The following DPP6 variants were observed in gnomAD, a reference collection of about 807,000 sequenced individuals.
The protein encoded by DPP6 is A-type potassium channel modulatory protein DPP6.
Under a neutral mutation model 122.6 loss-of-function variants are expected in DPP6, and 69 were observed. The ratio of observed to expected loss-of-function variants is 0.56; its 90% CI spans 0.46 to 0.69. The LOEUF (loss-of-function observed/expected upper bound fraction) is 0.69. Ranked by LOEUF, DPP6 falls within the 30% of genes least tolerant of loss-of-function variation. The pLI is 0.00. For missense variants in DPP6, 928 were observed against 1,116.9 expected (o/e 0.83, Z 2.41); for synonymous variants, 418 against 433.1 (o/e 0.97, Z 0.43).
chr7:154,270,356 GA>G (rs920340605), intron 1 of DPP6, among the ~76,000 whole-genome samples: 2 of 152,060 alleles, frequency 1.3e-5, no homozygotes, highest in African/African-American at 2.4e-5. Context: ...TGATAATATA[GA>G]AAAAACCATT....
the DPP6 span, among the ~76,000 whole-genome samples, chr7:153,793,956 T>C: frequency 1.3e-5 from 2 of 152,234 alleles, no homozygotes; most frequent in Admixed American, 6.5e-5. Flanking sequence ...AGTCAAGAAC[T>C]TGGGTTTGGG....
intron 1 of DPP6, among the ~76,000 whole-genome samples, chr7:153,941,031 C>A (rs189139208): frequency 5.1e-4 from 78 of 151,844 alleles, no homozygotes; most frequent in Non-Finnish European, 9.7e-4. Context: ...AAACTAACCG[C>A]GGACAGAATC....
In DPP6 at chr7:154,893,074, A is replaced by G. The variant is rs887636197; in HGVS notation, c.*594A>G. ...CTACGCTAATGGTTAACCTGATAGAATTAACTCGTATTTTTCTATGGTTTT... is the reference window on the plus strand; with the variant it reads ...CTACGCTAATGGTTAACCTGATAGAGTTAACTCGTATTTTTCTATGGTTTT... On this transcript the variant is annotated 3_prime_UTR_variant, in exon 26 of 26. Coordinates refer to ENST00000377770, the MANE Select transcript of DPP6 (RefSeq NM_130797.4). 3.8e-5 allele frequency: 16 copies of G among 417,772 alleles called. No individual in the cohort carries two copies. The highest frequency in any genetic ancestry group is 6.7e-5 in the Non-Finnish European group (14 of 209,810). The allele number at this position is 417,772 out of a possible 1,614,324, so 25.9% of individuals were successfully genotyped here.
chr7:154,782,174 A>T (rs1266447066), intron 10 of DPP6, among the ~76,000 whole-genome samples: 1 of 152,168 alleles, frequency 6.6e-6, no homozygotes, highest in African/African-American at 2.4e-5. Flanking sequence ...CCAAGCCCTG[A>T]CTAGATGCGC....
intron 1 of DPP6, among the ~76,000 whole-genome samples, chr7:154,428,020 T>G (rs919541438): frequency 6.6e-6 from 1 of 152,206 alleles, no homozygotes; most frequent in Non-Finnish European, 1.5e-5. Context: ...ATTAATACAC[T>G]GGCTGAGTAA....
intron 1 of DPP6, among the ~76,000 whole-genome samples, chr7:154,176,288 C>A (rs546242561): frequency 3.0e-4 from 46 of 152,244 alleles, no homozygotes; most frequent in African/African-American, 1.0e-3. Context: ...GAATCAGTAT[C>A]TTTGTGGATA....
intron 1 of DPP6, among the ~76,000 whole-genome samples, chr7:154,003,718 A>C (rs2628989): frequency 0.92 from 139,895 of 151,658 alleles, 64,555 homozygotes; most frequent in African/African-American, 0.96. Flanking sequence ...TCTGCCTGGG[A>C]AGTGGCCTTG....
chr7:154,589,469 C>G (rs1200981748), intron 5 of DPP6, among the ~76,000 whole-genome samples: 2 of 152,320 alleles, frequency 1.3e-5, no homozygotes, highest in Non-Finnish European at 2.9e-5. Flanking sequence ...TTTAAAACTT[C>G]CCATCTGCTG....
Position 154,127,620 on chromosome 7 carries a change from C to CACACACACACACACACACAG in DPP6, c.243+74570_243+74571insCACACAGACACACACACACA, listed in dbSNP as rs1563225612. 2.0e-3 allele frequency among the ~76,000 whole-genome samples: 240 copies of CACACACACACACACACACAG among 119,366 alleles called. 1 individual carries two copies. Among genetic ancestry groups the CACACACACACACACACACAG allele is most frequent in the African/African-American group, 9.2e-3 (225 of 24,570 alleles). 78.3% of individuals were successfully genotyped at this position (119,366 alleles called of 152,430 possible). A position where few individuals can be genotyped will look rare whatever the true frequency, so the allele number is the denominator to read the frequency against. On this transcript the variant is annotated intron_variant, in intron 1 of 25. Transcript: ENST00000377770. ...TCTCACACACACACACACACACACACACACACACACACAGACACACACACA... is the reference window on the plus strand; with the variant it reads ...TCTCACACACACACACACACACACACACACACACACACACACACAGACACACACACACAGACACACACACA...
At chr7:154,124,789 C>T (rs1352357918) in intron 1 of DPP6, among the ~76,000 whole-genome samples, 1 of 152,146 alleles carries the variant, frequency 6.6e-6, no homozygotes, top group Non-Finnish European at 1.5e-5. Context: ...GCCGGTGAAA[C>T]TGGGAGATCC....
chr7:154,162,951 A>C (rs898297403), intron 1 of DPP6, among the ~76,000 whole-genome samples: 5 of 151,526 alleles, frequency 3.3e-5, no homozygotes, highest in Admixed American at 6.6e-5. Flanking sequence ...GCTAGCATTG[A>C]GTGGAACTTA....
intron 1 of DPP6, among the ~76,000 whole-genome samples, chr7:154,181,174 A>G (rs1204119040): frequency 1.3e-5 from 2 of 152,200 alleles, no homozygotes; most frequent in African/African-American, 2.4e-5. Flanking sequence ...TCAATGCCCA[A>G]ACACAAGAGC....
At chr7:154,730,706 A>G (rs1842296708) in intron 8 of DPP6, among the ~76,000 whole-genome samples, 2 of 152,220 alleles carry the variant, frequency 1.3e-5, no homozygotes, top group African/African-American at 4.8e-5. Context: ...CAGTGCAAAT[A>G]ATAATGAACC....
chr7:154,351,875 C>T (rs969533224), intron 1 of DPP6, among the ~76,000 whole-genome samples: 3 of 152,152 alleles, frequency 2.0e-5, no homozygotes, highest in Admixed American at 6.5e-5. Flanking sequence ...GGCACCTCTG[C>T]TCCCCTGGGG....
At chr7:154,368,879 G>C (rs1421967506) in intron 1 of DPP6, among the ~76,000 whole-genome samples, 2 of 152,086 alleles carry the variant, frequency 1.3e-5, no homozygotes, top group Non-Finnish European at 2.9e-5. Context: ...GAGCATTGAC[G>C]GCAAGCTGCA....
chr7:154,664,233 GTGTTCACGCGA>G (rs1837993734), intron 6 of DPP6, among the ~76,000 whole-genome samples: 1 of 152,172 alleles, frequency 6.6e-6, no homozygotes, highest in Non-Finnish European at 1.5e-5. Flanking sequence ...GTTGGCCCTA[GTGTTCACGCGA>G]TCATGGTGAA....
At chr7:153,887,875 A>G in intron 1 of DPP6, 1 of 925,744 alleles carries the variant, frequency 1.1e-6, no homozygotes, top group Non-Finnish European at 1.5e-6. Context: ...CGCTTCTCCC[A>G]CTTCCCACCC....
intron 21 of DPP6, 151 bp downstream of exon 21, chr7:154,881,093 C>T (rs2150671444): frequency 2.4e-6 from 3 of 1,270,618 alleles, no homozygotes; most frequent in Non-Finnish European, 3.1e-6. Flanking sequence ...CTTAGTGATT[C>T]CAGCCGTGGG....
At chr7:154,851,865 G>A (rs1306792120) in intron 16 of DPP6, among the ~76,000 whole-genome samples, 10 of 152,138 alleles carry the variant, frequency 6.6e-5, no homozygotes, top group East Asian at 1.9e-4. Context: ...GGGGCACCAC[G>A]TTGGGGAAAA....
Sources: gnomAD v4.1 joint callset for allele counts (sites outside exome capture counted in the v4.1 genomes callset) on GRCh38, gnomAD v4.1.1 for gene constraint, MANE v1.5 for transcripts, NCBI Gene and HGNC (gene_info 2026-07-23, HGNC 2026-07-21) for gene names.